Variants in SPON2 observed in about 807,000 individuals in gnomAD.
SPON2 encodes spondin-2.
SPON2 carries 32 observed loss-of-function variants against 29.9 expected under a neutral mutation model. The ratio of observed to expected loss-of-function variants is 1.07; its 90% CI spans 0.81 to 1.44. The LOEUF (loss-of-function observed/expected upper bound fraction) is 1.44, where lower values mean the gene tolerates loss of function less well. Among genes scored for constraint, SPON2 ranks in the 40% most tolerant of loss-of-function variants. The pLI, the probability that SPON2 is intolerant of heterozygous loss-of-function variation, is 0.00. For missense variants in SPON2, 541 were observed against 455.5 expected, an observed-to-expected ratio of 1.19 and a Z score of -1.71; for synonymous variants, 248 against 209.1, an observed-to-expected ratio of 1.19 and a Z score of -1.61.
chr4:1,192,607 G>A (rs1479350222), intron 1 of SPON2, among the ~76,000 whole-genome samples: 1 of 151,892 alleles, frequency 6.6e-6, no homozygotes, highest in Non-Finnish European at 1.5e-5. Context: ...GGTGGCTCAG[G>A]CTAAGCCGGA....
At chr4:1,171,602 A>C (rs1727452226) in intron 2 of SPON2, 116 bp from the exon 3 acceptor site, 1 of 1,136,238 alleles carries the variant, frequency 8.8e-7, no homozygotes, top group Non-Finnish European at 1.2e-6. Flanking sequence ...CATGGCCCCC[A>C]GTCACGTCGG....
intron 1 of SPON2, among the ~76,000 whole-genome samples, chr4:1,205,926 G>C (rs941757759): frequency 1.3e-5 from 2 of 152,144 alleles, no homozygotes; most frequent in African/African-American, 2.4e-5. Context: ...AGGAAGCCAT[G>C]CTCCGCCCGA....
At chr4:1,173,489 C>T (rs1228138015), upstream of SPON2, among the ~76,000 whole-genome samples, 3 of 152,216 alleles carry the variant, frequency 2.0e-5, no homozygotes, top group African/African-American at 7.2e-5. Context: ...GCTTCCCTGC[C>T]TTTGGGATGA....
chr4:1,195,912 G>A (rs549198334), upstream of SPON2, among the ~76,000 whole-genome samples: 6 of 152,364 alleles, frequency 3.9e-5, no homozygotes, highest in East Asian at 1.2e-3. Flanking sequence ...GGGATTGCAG[G>A]CGTGAGCCCC....
intron 5 of SPON2, among the ~76,000 whole-genome samples, chr4:1,169,483 G>A (rs1360637745): frequency 2.0e-5 from 3 of 152,148 alleles, no homozygotes; most frequent in South Asian, 2.1e-4. Context: ...CCAGCCAGGC[G>A]GCCTCCTGTC....
At position 1,171,380 on chromosome 4, in the gene SPON2, C is replaced by G. The variant is rs1727441108; in HGVS notation, c.327G>C (p.Glu109Asp). 3.1e-6 allele frequency: 5 copies of G among 1,612,100 alleles called. No individual in the cohort carries two copies. Among genetic ancestry groups the G allele is most frequent in the Non-Finnish European group, 4.2e-6 (5 of 1,179,768 alleles). ...GCAGCGCCTCCCCCGCCGCCTCGAT[C>G]TCCTTCATCAGCGCCCAGGCCTCGC... The part of the protein sequence containing the change: ...ERGEAWALMK[E>D]IEAAGEALQS... Residue 109 changes from glutamate to aspartate, a missense_variant, in exon 3 of 6, where the codon GAG becomes GAC. By Grantham distance (45) the Glu-to-Asp change is conservative. Coordinates refer to ENST00000290902, the MANE Select transcript of SPON2 (RefSeq NM_012445.4).
chr4:1,167,510 C>T lies in SPON2; in HGVS notation c.958G>A (p.Glu320Lys). The T allele has an allele frequency of 1.2e-6, 2 of 1,613,820 alleles. No individual in the cohort carries two copies. Among genetic ancestry groups the T allele is most frequent in the Non-Finnish European group, 8.5e-7 (1 of 1,179,982 alleles). The part of the protein sequence containing the change: ...ANNGSPCPEL[E>K]EEAECVPDNC... The stretch of plus-strand genomic sequence containing the variant: ...TCAGGGACGCACTCAGCCTCTTCTT[C>T]GAGCTCGGGGCAGGGGCTCCCGTTG... Residue 320 changes from glutamate to lysine, a missense_variant, in exon 6 of 6, where the codon GAA (glutamate) becomes AAA (lysine). Transcript: ENST00000290902.
intron 1 of SPON2, among the ~76,000 whole-genome samples, chr4:1,207,257 A>T (rs995732740): frequency 6.6e-6 from 1 of 152,064 alleles, no homozygotes; most frequent in Admixed American, 6.5e-5. Context: ...AGACGCCTGT[A>T]GGGGCTGGGA....
chr4:1,207,094 G>A (rs1310042213), intron 1 of SPON2, among the ~76,000 whole-genome samples: 1 of 152,096 alleles, frequency 6.6e-6, no homozygotes, highest in African/African-American at 2.4e-5. Flanking sequence ...GTGCAGGGCA[G>A]TGCCCGGGAG....
At chr4:1,207,225 A>C (rs907279779) in intron 1 of SPON2, among the ~76,000 whole-genome samples, 1 of 151,852 alleles carries the variant, frequency 6.6e-6, no homozygotes, top group Non-Finnish European at 1.5e-5. Context: ...CACTGCACAG[A>C]GGGGGTGGAG....
intron 4 of SPON2, 138 bp downstream of exon 4, chr4:1,170,861 C>T (rs775404037): frequency 4.0e-6 from 5 of 1,248,624 alleles, no homozygotes; most frequent in Non-Finnish European, 5.7e-6. Context: ...TCACTGCTGG[C>T]GCTAGAAGCA....
At chr4:1,194,384 C>T (rs948342560) in intron 1 of SPON2, among the ~76,000 whole-genome samples, 4 of 152,200 alleles carry the variant, frequency 2.6e-5, no homozygotes, top group African/African-American at 9.7e-5. Context: ...GGTGGGAGGC[C>T]TGGGACCAGC....
chr4:1,174,486 C>CAAAAAAAAAAA (rs59532169), upstream of SPON2, among the ~76,000 whole-genome samples: 12 of 94,250 alleles, frequency 1.3e-4, no homozygotes, highest in African/African-American at 3.1e-4. Context: ...GACTCCATCT[C>CAAAAAAAAAAA]AAAAAAAAAA....
intron 2 of SPON2, 172 bp downstream of exon 2, chr4:1,171,680 C>T: frequency 2.6e-6 from 2 of 760,634 alleles, no homozygotes; most frequent in South Asian, 3.5e-5. Context: ...CCCCCTGCCC[C>T]CACCGCATCC....
intron 4 of SPON2, 116 bp from the exon 5 acceptor site, chr4:1,170,692 G>A: frequency 7.8e-7 from 1 of 1,274,250 alleles, no homozygotes; most frequent in Non-Finnish European, 1.1e-6. Flanking sequence ...ACCACTGTTG[G>A]GGACAGGGTC....
chr4:1,179,682 T>C (rs1242871812), intron 1 of SPON2: 1 of 150,884 alleles, frequency 6.6e-6, no homozygotes, highest in African/African-American at 2.4e-5. Context: ...ACCCACCCCC[T>C]CCAGCTCTGT....
chr4:1,200,861 C>T (rs754970058), intron 1 of SPON2: 9 of 456,760 alleles, frequency 2.0e-5, no homozygotes, highest in South Asian at 1.2e-4. Flanking sequence ...TCCTCAATGC[C>T]ACCAACCAGG....
rs1404733949 is a variant in SPON2, at chr4:1,170,557, C to A, written c.656G>T (p.Ser219Ile). 6.2e-7 allele frequency: 1 copy of A among 1,613,142 alleles called. No homozygotes were observed. The highest frequency in any genetic ancestry group is 1.3e-5 in the African/African-American group (1 of 74,618). ...GTAGTAGAAGGAGTTGGCCGGGTGG[C>A]TGGGAGAGGAGGACGTTATCTGGGG... ...TVTEITSSSP[S>I]HPANSFYYPR... The change falls in exon 5 of 6, where the codon AGC (serine) becomes ATC (isoleucine). Residue 219 changes from serine (S) to isoleucine (I), a missense_variant. Transcript: ENST00000290902.
intron 5 of SPON2, chr4:1,170,139 C>G (rs1358771702): frequency 7.0e-6 from 3 of 429,230 alleles, no homozygotes; most frequent in African/African-American, 4.2e-5. Flanking sequence ...AGGACAGAGT[C>G]TCTCAGGTAC....
Sources: gnomAD v4.1 joint callset for allele counts (sites outside exome capture counted in the v4.1 genomes callset) on GRCh38, gnomAD v4.1.1 for gene constraint, MANE v1.5 for transcripts, NCBI Gene and HGNC (gene_info 2026-07-23, HGNC 2026-07-21) for gene names.